Variants in ITPKB observed in about 807,000 individuals in gnomAD.
The protein encoded by ITPKB is inositol-trisphosphate 3-kinase B.
A neutral mutation model predicts 69.4 loss-of-function variants in ITPKB; 13 were observed. The observed-to-expected ratio is 0.19, with a 90% CI of 0.12 to 0.30. The LOEUF (loss-of-function observed/expected upper bound fraction) is 0.30, where lower values mean the gene tolerates loss of function less well. ITPKB is among the 10% of genes least tolerant of loss of function. The pLI is 1.00. For missense variants in ITPKB, 1,240 were observed against 1,250.5 expected (o/e 0.99, Z 0.13); for synonymous variants, 584 against 513.7 (o/e 1.14, Z -1.85).
At chr1:226,731,745 C>G (rs1657593907) in intron 2 of ITPKB, among the ~76,000 whole-genome samples, 2 of 152,072 alleles carry the variant, frequency 1.3e-5, no homozygotes, top group Non-Finnish European at 2.9e-5. Context: ...CGGGGTCCTC[C>G]CAGATCTCAA....
At chr1:226,686,858 C>G (rs1414642846) in intron 2 of ITPKB, among the ~76,000 whole-genome samples, 2 of 152,236 alleles carry the variant, frequency 1.3e-5, no homozygotes, top group Admixed American at 1.3e-4. Flanking sequence ...GCTGACTTAT[C>G]TGGCAATGGG....
intron 2 of ITPKB, among the ~76,000 whole-genome samples, chr1:226,731,389 G>A (rs368372955): frequency 6.6e-6 from 1 of 152,188 alleles, no homozygotes; most frequent in Non-Finnish European, 1.5e-5. Flanking sequence ...CAAAGAGATA[G>A]AAGATAGGCA....
intron 2 of ITPKB, among the ~76,000 whole-genome samples, chr1:226,716,063 G>A (rs1031589017): frequency 2.6e-5 from 4 of 152,250 alleles, no homozygotes; most frequent in Middle Eastern, 3.4e-3. Context: ...TGCCCACCTC[G>A]GCCTCCCAAA....
intron 2 of ITPKB, among the ~76,000 whole-genome samples, chr1:226,693,138 C>T (rs1656397640): frequency 6.6e-6 from 1 of 152,258 alleles, no homozygotes; most frequent in African/African-American, 2.4e-5. Flanking sequence ...ACAAGAGCCA[C>T]TTCTGGTCAA....
At chr1:226,717,355 T>C (rs893092995) in intron 2 of ITPKB, among the ~76,000 whole-genome samples, 1 of 152,194 alleles carries the variant, frequency 6.6e-6, no homozygotes. Flanking sequence ...ACATACCCCA[T>C]GTTTCTTTTT....
intron 4 of ITPKB, among the ~76,000 whole-genome samples, chr1:226,643,823 T>G (rs1669011061): frequency 1.3e-5 from 2 of 152,148 alleles, no homozygotes. Context: ...ACACATGTGC[T>G]CATGCACACA....
At chr1:226,688,803 A>T (rs1400864578) in intron 2 of ITPKB, among the ~76,000 whole-genome samples, 1 of 152,238 alleles carries the variant, frequency 6.6e-6, no homozygotes, top group Non-Finnish European at 1.5e-5. Context: ...TCTCACTGAT[A>T]AAGTCAAAGA....
rs1222810084 is a variant in ITPKB at position 226,642,594 on chromosome 1, G to A, written c.2247-469C>T. The stretch of plus-strand genomic sequence containing the variant: ...AGCTCCTCCTCGGGAGACCCCCACA[G>A]GAACCAGCAGAAGAAGGAAGACGGA... On this transcript the variant is annotated intron_variant, in intron 4 of 7. Transcript: ENST00000429204. The surrounding 1 kb of genome is among the most constrained non-coding windows in gnomAD (Gnocchi z 6.4). Among the ~76,000 whole-genome samples, 1 of 152,098 alleles carries A rather than the reference G, an allele frequency of 6.6e-6. No homozygotes were observed. The highest frequency in any genetic ancestry group is 1.5e-5 in the Non-Finnish European group (1 of 68,022).
chr1:226,685,500 C>A (rs1656186565), intron 2 of ITPKB, among the ~76,000 whole-genome samples: 1 of 152,228 alleles, frequency 6.6e-6, no homozygotes, highest in African/African-American at 2.4e-5. Context: ...TATTGACTGT[C>A]CCCTCTCCCA....
At chr1:226,735,052 C>T (rs1657703342) in intron 2 of ITPKB, among the ~76,000 whole-genome samples, 1 of 152,196 alleles carries the variant, frequency 6.6e-6, no homozygotes, top group Admixed American at 6.5e-5. Context: ...TCACATCACT[C>T]ATTTTCCTGG....
chr1:226,726,040 A>G (rs1017815485), intron 2 of ITPKB, among the ~76,000 whole-genome samples: 1 of 152,218 alleles, frequency 6.6e-6, no homozygotes, highest in Admixed American at 6.5e-5. Context: ...TCATAATTAA[A>G]AACTCATTTA....
At chr1:226,697,419 A>G (rs1236452659) in intron 2 of ITPKB, among the ~76,000 whole-genome samples, 1 of 152,182 alleles carries the variant, frequency 6.6e-6, no homozygotes. Flanking sequence ...CCCTTTAGAC[A>G]AGAGAGCACT....
chr1:226,716,370 T>C (rs1414612620), intron 2 of ITPKB, among the ~76,000 whole-genome samples: 1 of 152,186 alleles, frequency 6.6e-6, no homozygotes, highest in Non-Finnish European at 1.5e-5. Context: ...TTTTTCTTTA[T>C]TTTTTTCTAA....
intron 2 of ITPKB, among the ~76,000 whole-genome samples, chr1:226,657,805 A>C (rs12077348): frequency 6.6e-6 from 1 of 152,132 alleles, no homozygotes; most frequent in African/African-American, 2.4e-5. Flanking sequence ...CTCAGCCAAC[A>C]GGATTACTGG....
intron 2 of ITPKB, among the ~76,000 whole-genome samples, chr1:226,672,501 C>T (rs1463137402): frequency 6.6e-6 from 1 of 152,204 alleles, no homozygotes; most frequent in Non-Finnish European, 1.5e-5. Flanking sequence ...CCAAACAGAG[C>T]ACTCCCCAAG....
intron 2 of ITPKB, among the ~76,000 whole-genome samples, chr1:226,710,127 G>T (rs989686697): frequency 6.6e-6 from 1 of 152,180 alleles, no homozygotes; most frequent in Non-Finnish European, 1.5e-5. Context: ...AGAAGGTGCC[G>T]TGCTAACAGG....
At chr1:226,635,662 C>G (rs1381080758) in intron 7 of ITPKB, among the ~76,000 whole-genome samples, 2 of 152,214 alleles carry the variant, frequency 1.3e-5, no homozygotes, top group Non-Finnish European at 2.9e-5. Flanking sequence ...CAAACTATCC[C>G]GGGGCGGGGG....
chr1:226,643,860 C>T (rs528735776), intron 4 of ITPKB, among the ~76,000 whole-genome samples: 65 of 152,334 alleles, frequency 4.3e-4, no homozygotes, highest in African/African-American at 1.2e-3. Context: ...GACTCCTGTG[C>T]ACCACTGCAC....
In ITPKB at chr1:226,641,808, T is replaced by C. The variant is rs1396985858; in HGVS notation, c.2451+113A>G. On this transcript the variant is annotated intron_variant, in intron 5 of 7. Coordinates refer to ENST00000429204, the MANE Select transcript of ITPKB (RefSeq NM_002221.4). This position sits in a 1 kb window ranked among gnomAD's most constrained non-coding sequence, Gnocchi z 4.6. Reference sequence around the variant, plus strand: ...CTGGCCTTGGGGCGGGCCACCCACATTCTGAGCCTGTGCCTGGAGAAGCTT... The same window carrying C: ...CTGGCCTTGGGGCGGGCCACCCACACTCTGAGCCTGTGCCTGGAGAAGCTT... 4 of 1,011,722 alleles carry C rather than the reference T, an allele frequency of 4.0e-6. No individual in the cohort carries two copies. In the African/African-American group the frequency reaches 6.4e-5, roughly 16 times the overall value. 62.7% of individuals were successfully genotyped at this position (1,011,722 alleles called of 1,614,324 possible).
Sources: gnomAD v4.1 joint callset for allele counts (sites outside exome capture counted in the v4.1 genomes callset) on GRCh38, gnomAD v4.1.1 for gene constraint, Gnocchi (gnomAD v3.1) non-coding constraint, MANE v1.5 for transcripts, NCBI Gene and HGNC (gene_info 2026-07-23, HGNC 2026-07-21) for gene names.